The following TTC39B variants were observed in gnomAD, a reference collection of about 807,000 sequenced individuals.
TTC39B encodes the protein tetratricopeptide repeat protein 39B.
In TTC39B, 92 loss-of-function variants were observed where a neutral mutation model predicts 96.6. The observed-to-expected ratio is 0.95, with a 90% CI of 0.80 to 1.13. The LOEUF is 1.13. Among genes scored for constraint, TTC39B ranks in the 50% most tolerant of loss-of-function variants. TTC39B has a pLI of 0.00. For missense variants in TTC39B, 955 were observed against 809.3 expected (o/e 1.18, Z -2.18); for synonymous variants, 367 against 299.4 (o/e 1.23, Z -2.33).
intron 2 of TTC39B, among the ~76,000 whole-genome samples, chr9:15,267,282 T>C (rs564832631): frequency 7.9e-4 from 120 of 152,366 alleles, no homozygotes; most frequent in African/African-American, 1.0e-3. Context: ...TGTTTTGTTA[T>C]AGAAGCTGAA....
intron 1 of TTC39B, among the ~76,000 whole-genome samples, chr9:15,287,980 T>C (rs1374174495): frequency 6.9e-6 from 1 of 144,030 alleles, no homozygotes; most frequent in Non-Finnish European, 1.5e-5. Context: ...CATAAAAAAA[T>C]GATTCTTTCT....
intron 3 of TTC39B, among the ~76,000 whole-genome samples, chr9:15,221,311 C>T (rs1441242904): frequency 3.3e-5 from 5 of 152,122 alleles, no homozygotes; most frequent in Non-Finnish European, 5.9e-5. Context: ...ACATGTTTAC[C>T]CAATTATTTA....
Position 15,306,579 on chromosome 9 carries a change from G to T in TTC39B, c.240+505C>A, listed in dbSNP as rs919461070. Among the ~76,000 whole-genome samples the T allele has an allele frequency of 2.6e-5, 4 of 152,184 alleles. No individual in the cohort carries two copies. The highest frequency in any genetic ancestry group is 7.2e-5 in the African/African-American group (3 of 41,452). On this transcript the variant is annotated intron_variant, in intron 1 of 19. Transcript: ENST00000512701. The surrounding 1 kb of genome is among the most constrained non-coding windows in gnomAD (Gnocchi z 5.1). ...CGCGGCAGGTACCCCTCTACTCATT[G>T]TTCCTCAGGCTGCCCCCTCTTTTCA...
chr9:15,256,714 G>T (rs1345449360), intron 2 of TTC39B, among the ~76,000 whole-genome samples: 1 of 152,180 alleles, frequency 6.6e-6, no homozygotes, highest in Non-Finnish European at 1.5e-5. Flanking sequence ...AGGATGGCCA[G>T]CAAAAAGCCC....
intron 1 of TTC39B, among the ~76,000 whole-genome samples, chr9:15,269,561 A>T (rs1418951019): frequency 6.6e-6 from 1 of 152,152 alleles, no homozygotes; most frequent in Non-Finnish European, 1.5e-5. Flanking sequence ...AAATACTAAA[A>T]AGAAGAACCT....
chr9:15,221,987 A>G (rs563334049), intron 3 of TTC39B, among the ~76,000 whole-genome samples: 1 of 152,344 alleles, frequency 6.6e-6, no homozygotes, highest in South Asian at 2.1e-4. Context: ...TTAAGCAACT[A>G]AGCCAGATCA....
chr9:15,170,581 G>C (rs1817616751), exon 20 of TTC39B: 1 of 152,106 alleles, frequency 6.6e-6, no homozygotes, highest in Non-Finnish European at 1.5e-5. Context: ...TGGGGCAACT[G>C]AACCCCTGAA....
At chr9:15,185,781 T>C (rs1478368857) in intron 15 of TTC39B, among the ~76,000 whole-genome samples, 2 of 152,184 alleles carry the variant, frequency 1.3e-5, no homozygotes, top group African/African-American at 4.8e-5. Flanking sequence ...GAGTCCAAAG[T>C]ATTTACTTAC....
At chr9:15,221,869 A>G (rs1269405209) in intron 3 of TTC39B, among the ~76,000 whole-genome samples, 1 of 152,204 alleles carries the variant, frequency 6.6e-6, no homozygotes, top group Non-Finnish European at 1.5e-5. Context: ...GTTGCTTTTC[A>G]GTATTGCATT....
chr9:15,279,135 T>A (rs146176395), intron 1 of TTC39B, among the ~76,000 whole-genome samples: 197 of 152,366 alleles, frequency 1.3e-3, no homozygotes, highest in African/African-American at 4.1e-3. Context: ...AGACACTTAA[T>A]AAATCATCTC....
intron 3 of TTC39B, among the ~76,000 whole-genome samples, chr9:15,215,833 C>T (rs954814811): frequency 3.3e-5 from 5 of 152,208 alleles, no homozygotes; most frequent in Admixed American, 6.5e-5. Context: ...CACTGCACTC[C>T]AGCCTGGGCA....
intron 15 of TTC39B, 186 bp from the exon 16 acceptor site, chr9:15,185,592 G>A: frequency 1.3e-6 from 1 of 770,928 alleles, no homozygotes. Flanking sequence ...TCCAGGGCCG[G>A]GGCCGAGCAA....
intron 2 of TTC39B, among the ~76,000 whole-genome samples, chr9:15,262,059 TCACA>T (rs1375988623): frequency 6.6e-6 from 1 of 152,146 alleles, no homozygotes; most frequent in African/African-American, 2.4e-5. Context: ...GTCATAAAGT[TCACA>T]GACTATTTTA....
At chr9:15,176,391 T>C (rs1817939629) in intron 18 of TTC39B, among the ~76,000 whole-genome samples, 1 of 152,230 alleles carries the variant, frequency 6.6e-6, no homozygotes, top group Admixed American at 6.5e-5. Context: ...TGTTTACTAA[T>C]TACAGAATAT....
At chr9:15,297,790 T>C (rs1384654532) in intron 1 of TTC39B, among the ~76,000 whole-genome samples, 2 of 151,958 alleles carry the variant, frequency 1.3e-5, no homozygotes, top group African/African-American at 2.4e-5. Context: ...TCCCCACCAC[T>C]CCTCACTGAA....
At chr9:15,199,487 G>C (rs559922463) in intron 8 of TTC39B, among the ~76,000 whole-genome samples, 1 of 152,092 alleles carries the variant, frequency 6.6e-6, no homozygotes, top group South Asian at 2.1e-4. Context: ...TGTAATCCCA[G>C]CACTTTGGGA....
intron 1 of TTC39B, among the ~76,000 whole-genome samples, chr9:15,289,263 C>G (rs1824092362): frequency 6.6e-6 from 1 of 152,130 alleles, no homozygotes; most frequent in South Asian, 2.1e-4. Flanking sequence ...ATATTTAATA[C>G]CAAAATGTTC....
chr9:15,196,653 G>C (rs1819188138), intron 8 of TTC39B, among the ~76,000 whole-genome samples: 1 of 152,182 alleles, frequency 6.6e-6, no homozygotes, highest in East Asian at 1.9e-4. Context: ...GCAGTTTCTT[G>C]AGATGAAATC....
chr9:15,199,989 T>A, intron 7 of TTC39B, 64 bp from the exon 8 acceptor site: 1 of 841,898 alleles, frequency 1.2e-6, no homozygotes, highest in Non-Finnish European at 1.8e-6. Context: ...TCCCCACAGT[T>A]GTGTGTTTGT....
Sources: allele counts gnomAD v4.1 joint callset (sites outside exome capture counted in the v4.1 genomes callset), GRCh38; gene constraint gnomAD v4.1.1; non-coding constraint Gnocchi (gnomAD v3.1); transcripts MANE v1.5; gene names NCBI Gene and HGNC (gene_info 2026-07-23, HGNC 2026-07-21).